CLSTN2: variants seen among roughly 807,000 people sequenced by gnomAD.
CLSTN2 encodes the protein calsyntenin 2, also known as calsyntenin-2.
In CLSTN2, 48 loss-of-function variants were observed where a neutral mutation model predicts 101.2. The observed-to-expected ratio is 0.47, with a 90% confidence interval of 0.38 to 0.60. The LOEUF is 0.60. CLSTN2 is among the 20% of genes least tolerant of loss of function. The pLI is 0.00. For missense variants in CLSTN2, 1,160 were observed against 1,238.2 expected (o/e 0.94, Z 0.95); for synonymous variants, 481 against 463.6 (o/e 1.04, Z -0.48).
At chr3:140,518,253 G>C (rs996057020) in intron 8 of CLSTN2, among the ~76,000 whole-genome samples, 4 of 152,206 alleles carry the variant, frequency 2.6e-5, no homozygotes, top group African/African-American at 9.7e-5. Flanking sequence ...AGGGCTTTCA[G>C]GATTTATGCC....
chr3:140,404,907 C>A, intron 4 of CLSTN2, 141 bp downstream of exon 4: 1 of 711,042 alleles, frequency 1.4e-6, no homozygotes, highest in Non-Finnish European at 2.4e-6. Context: ...TAACCCAGAG[C>A]TCAGTCCCAC....
chr3:140,197,127 CTT>C (rs1173489109), intron 2 of CLSTN2, among the ~76,000 whole-genome samples: 1 of 152,200 alleles, frequency 6.6e-6, no homozygotes, highest in Admixed American at 6.5e-5. Context: ...TGCAAGCACT[CTT>C]TCTTTCCTCT....
At chr3:140,053,940 T>C (rs1351071115) in intron 1 of CLSTN2, among the ~76,000 whole-genome samples, 6 of 152,298 alleles carry the variant, frequency 3.9e-5, no homozygotes, top group Admixed American at 2.6e-4. Context: ...TGTAGGCACA[T>C]GTTTGCCAGT....
At chr3:140,558,170 G>A (rs574675225) in intron 11 of CLSTN2, among the ~76,000 whole-genome samples, 7 of 152,310 alleles carry the variant, frequency 4.6e-5, no homozygotes, top group African/African-American at 1.4e-4. Context: ...ATAGCACTTT[G>A]CTCTCACACC....
At chr3:140,501,344 T>TAAC (rs1446876906) in intron 8 of CLSTN2, among the ~76,000 whole-genome samples, 1 of 152,216 alleles carries the variant, frequency 6.6e-6, no homozygotes, top group African/African-American at 2.4e-5. Context: ...CACACAAGGA[T>TAAC]AACTTCCTCA....
chr3:140,400,652 TCA>T (rs1227679663), intron 2 of CLSTN2, among the ~76,000 whole-genome samples: 5 of 151,938 alleles, frequency 3.3e-5, no homozygotes, highest in Non-Finnish European at 7.4e-5. Context: ...TGAGCTATGA[TCA>T]CACTACCGCA....
chr3:140,274,641 C>T (rs1302005454), intron 2 of CLSTN2, among the ~76,000 whole-genome samples: 1 of 152,048 alleles, frequency 6.6e-6, no homozygotes, highest in Admixed American at 6.6e-5. Flanking sequence ...AGTTTCCCAG[C>T]ATTAGTGTAA....
chr3:140,148,054 T>C (rs567704568), intron 1 of CLSTN2, among the ~76,000 whole-genome samples: 1 of 152,134 alleles, frequency 6.6e-6, no homozygotes. Context: ...ATGGCTGAAA[T>C]GGAAAGGGTG....
At chr3:140,126,467 C>CA (rs1038923220) in intron 1 of CLSTN2, among the ~76,000 whole-genome samples, 14 of 151,826 alleles carry the variant, frequency 9.2e-5, no homozygotes, top group African/African-American at 3.1e-4. Context: ...CATACTTGTG[C>CA]AAAAAAAGCC....
chr3:140,094,820 A>C (rs2107787381), intron 1 of CLSTN2, among the ~76,000 whole-genome samples: 1 of 152,174 alleles, frequency 6.6e-6, no homozygotes, highest in Non-Finnish European at 1.5e-5. Flanking sequence ...AATTTTCTGA[A>C]GTCTGTTGAG....
intron 10 of CLSTN2, among the ~76,000 whole-genome samples, chr3:140,551,892 C>T (rs986326785): frequency 6.6e-6 from 1 of 150,982 alleles, no homozygotes; most frequent in Admixed American, 6.6e-5. Flanking sequence ...AATAGACTCT[C>T]AACAAATTAT....
At chr3:140,059,281 C>T (rs543453461) in intron 1 of CLSTN2, among the ~76,000 whole-genome samples, 1 of 152,334 alleles carries the variant, frequency 6.6e-6, no homozygotes, top group African/African-American at 2.4e-5. Context: ...AGTTCTGATT[C>T]CCAGATGGCT....
intron 1 of CLSTN2, among the ~76,000 whole-genome samples, chr3:140,171,841 A>ATATTATATAATAACAAT (rs2010239009): frequency 1.1e-5 from 1 of 91,956 alleles, no homozygotes; most frequent in Non-Finnish European, 2.2e-5. Context: ...AACAATATAT[A>ATATTATATAATAACAAT]ATATAATATA....
intron 1 of CLSTN2, among the ~76,000 whole-genome samples, chr3:140,107,666 G>C (rs1287415628): frequency 6.6e-6 from 1 of 152,124 alleles, no homozygotes; most frequent in Non-Finnish European, 1.5e-5. Flanking sequence ...CTCTTCATGT[G>C]CAGTCCATAA....
intron 5 of CLSTN2, among the ~76,000 whole-genome samples, chr3:140,437,874 G>A (rs916546102): frequency 1.3e-5 from 2 of 152,104 alleles, no homozygotes; most frequent in African/African-American, 2.4e-5. Context: ...TGTCAATATT[G>A]TTTTCTTCTT....
intron 5 of CLSTN2, among the ~76,000 whole-genome samples, chr3:140,444,606 T>A (rs2108006281): frequency 6.6e-6 from 1 of 152,348 alleles, no homozygotes; most frequent in South Asian, 2.1e-4. Flanking sequence ...TTTCCTCTTA[T>A]GTCTTGCAAT....
At chr3:140,515,253 CT>C (rs1263475395) in intron 8 of CLSTN2, among the ~76,000 whole-genome samples, 1 of 141,764 alleles carries the variant, frequency 7.1e-6, no homozygotes, top group East Asian at 1.9e-4. Context: ...CTTCTCTCTT[CT>C]TTTCTTGGTT....
At chr3:140,317,027 G>A (rs1442111638) in intron 2 of CLSTN2, among the ~76,000 whole-genome samples, 1 of 152,110 alleles carries the variant, frequency 6.6e-6, no homozygotes, top group Non-Finnish European at 1.5e-5. Flanking sequence ...ATTCATTCGT[G>A]GTGTTAGGCA....
At chr3:140,492,018 G>A (rs1044464640) in intron 8 of CLSTN2, among the ~76,000 whole-genome samples, 1 of 152,048 alleles carries the variant, frequency 6.6e-6, no homozygotes, top group Admixed American at 6.6e-5. Flanking sequence ...ACCCAAAAAA[G>A]CCCTTTAAGA....
Sources: gnomAD v4.1 joint callset for allele counts (sites outside exome capture counted in the v4.1 genomes callset) on GRCh38, gnomAD v4.1.1 for gene constraint, MANE v1.5 for transcripts, NCBI Gene and HGNC (gene_info 2026-07-23, HGNC 2026-07-21) for gene names.